Variants in ATP2A2 observed in about 807,000 individuals in gnomAD.
The protein encoded by ATP2A2 is sarcoplasmic/endoplasmic reticulum calcium ATPase 2.
ATP2A2 carries 14 observed loss-of-function variants against 109.3 expected under a neutral mutation model. That is an observed-to-expected ratio of 0.13 (90% CI 0.08 to 0.20). The LOEUF (loss-of-function observed/expected upper bound fraction) is 0.20. Ranked by LOEUF, ATP2A2 falls within the 10% of genes least tolerant of loss-of-function variation. The probability of loss-of-function intolerance (pLI) is 1.00; values close to 1 mark genes in which losing one functional copy is unlikely to be tolerated. For synonymous variants in ATP2A2, 506 were observed against 490.9 expected, an observed-to-expected ratio of 1.03 and a Z score of -0.41; for missense variants, 657 against 1,321.6, an observed-to-expected ratio of 0.50 and a Z score of 7.80.
intron 14 of ATP2A2, among the ~76,000 whole-genome samples, chr12:110,341,408 T>C (rs1184236155): frequency 6.6e-6 from 1 of 152,046 alleles, no homozygotes; most frequent in Non-Finnish European, 1.5e-5. Context: ...AGATACATTA[T>C]GTTAAATTTA....
chr12:110,332,424 A>G, intron 8 of ATP2A2, 173 bp from the exon 9 acceptor site: 1 of 656,064 alleles, frequency 1.5e-6, no homozygotes, highest in Non-Finnish European at 2.7e-6. Context: ...TAAGCTAGTT[A>G]GGGTAAGGGA....
chr12:110,327,777 A>G lies in ATP2A2; in HGVS notation c.855A>G (p.Gly285=). The change falls in exon 8 of 20, where the codon GGA becomes GGG. Residue 285 remains glycine (G), a synonymous_variant. Transcript: ENST00000539276. The surrounding 1 kb of genome is among the most constrained non-coding windows in gnomAD (Gnocchi z 4.4). ...NIGHFNDPVH[G]GSWIRGAIYY... is the part of the protein sequence containing the mutation. ...GGCACTTCAATGACCCGGTTCATGGAGGGTCCTGGATCAGAGGTGCTATTT... is the reference window on the plus strand; with the variant it reads ...GGCACTTCAATGACCCGGTTCATGGGGGGTCCTGGATCAGAGGTGCTATTT... 6.2e-7 allele frequency: 1 copy of G among 1,614,104 alleles called. No homozygotes were observed.
rs757796115 is a variant in ATP2A2 at position 110,343,272 on chromosome 12, AT to A, written c.2361del (p.Pro788LeufsTer10). 6.2e-7 allele frequency: 1 copy of A among 1,613,972 alleles called. No individual in the cohort carries two copies. ...TAALGFPEALIPVQLLWVNLV... is the reference protein window; with the variant it reads ...TAALGFPEALXPVQLLWVNLV... ...AGCCCTTGGATTTCCCGAGGCTTTG[AT>A]TCCTGTTCAGCTGCTCTGGGTCAAT... On this transcript the variant is annotated frameshift_variant, in exon 16 of 20. Transcript: ENST00000539276. LOFTEE classifies it high-confidence loss of function.
chr12:110,296,511 AT>A (rs1193351575), intron 4 of ATP2A2, 87 bp from the exon 5 acceptor site: 1 of 1,554,204 alleles, frequency 6.4e-7, no homozygotes, highest in East Asian at 2.2e-5. Flanking sequence ...CTTTTTAAAG[AT>A]TAGACCTCTA....
intron 5 of ATP2A2, 51 bp downstream of exon 5, chr12:110,296,788 TA>T: frequency 6.3e-7 from 1 of 1,587,964 alleles, no homozygotes; most frequent in South Asian, 1.1e-5. Context: ...TTTCTGAATG[TA>T]GTCCTTTTCT....
intron 5 of ATP2A2, among the ~76,000 whole-genome samples, chr12:110,310,136 T>C (rs1380298500): frequency 6.6e-6 from 1 of 151,998 alleles, no homozygotes. Flanking sequence ...ATTTCTGTTT[T>C]CTTTTTTTCT....
At chr12:110,301,051 G>C (rs534923452) in intron 5 of ATP2A2, among the ~76,000 whole-genome samples, 8 of 152,030 alleles carry the variant, frequency 5.3e-5, no homozygotes, top group Non-Finnish European at 1.2e-4. Context: ...TAAAAAAATA[G>C]AGACAGAGTC....
intron 8 of ATP2A2, chr12:110,332,218 G>A: frequency 3.5e-6 from 1 of 289,244 alleles, no homozygotes; most frequent in Non-Finnish European, 6.7e-6. Flanking sequence ...TGAAATTTGG[G>A]ATTCTGAGCA....
intron 11 of ATP2A2, chr12:110,334,435 C>G: frequency 2.2e-6 from 1 of 457,054 alleles, no homozygotes; most frequent in South Asian, 2.2e-5. Context: ...AAGCCACCTC[C>G]TCCCAACATC....
In ATP2A2 at chr12:110,348,248, GCCACTTCC is replaced by G; in HGVS notation, c.*1784_*1791del. 1.0e-6 allele frequency: 1 copy of G among 985,334 alleles called. No individual in the cohort carries two copies. The allele number at this position is 985,334 out of a possible 1,614,324, so 61.0% of individuals were successfully genotyped here. A position where few individuals can be genotyped will look rare whatever the true frequency, so the allele number is the denominator to read the frequency against. On this transcript the variant is annotated 3_prime_UTR_variant, in exon 20 of 20. Transcript: ENST00000539276. ...GTATCGATAGGTTCGTCTTAAATAG[GCCACTTCC>G]CCACTCCCCCACCCCCCCTTGCTTG...
chr12:110,328,115 C>G, intron 8 of ATP2A2, 98 bp downstream of exon 8: 1 of 1,228,134 alleles, frequency 8.1e-7, no homozygotes, highest in Middle Eastern at 2.6e-4. Context: ...TAATTTCATA[C>G]ATTTCTGTGG....
chr12:110,302,390 A>G (rs983456553), intron 5 of ATP2A2, among the ~76,000 whole-genome samples: 1 of 152,114 alleles, frequency 6.6e-6, no homozygotes, highest in East Asian at 1.9e-4. Flanking sequence ...ATATACTACT[A>G]CTATAAAGTG....
intron 4 of ATP2A2, among the ~76,000 whole-genome samples, chr12:110,293,691 C>G (rs529573741): frequency 6.6e-6 from 1 of 151,412 alleles, no homozygotes; most frequent in Non-Finnish European, 1.5e-5. Flanking sequence ...CCACCACGCC[C>G]GACACATCTT....
At chr12:110,301,585 G>A (rs1423381054) in intron 5 of ATP2A2, among the ~76,000 whole-genome samples, 2 of 152,064 alleles carry the variant, frequency 1.3e-5, no homozygotes, top group Non-Finnish European at 2.9e-5. Context: ...ATCTCACACC[G>A]CAGCTGTCAT....
At chr12:110,291,640 C>CTTTTTTTTTTTTTTTTTT (rs34738611) in intron 3 of ATP2A2, among the ~76,000 whole-genome samples, 1 of 116,154 alleles carries the variant, frequency 8.6e-6, no homozygotes, top group African/African-American at 3.5e-5. Flanking sequence ...GTGCTAGCCA[C>CTTTTTTTTTTTTTTTTTT]TTTTTTTTTT....
intron 5 of ATP2A2, among the ~76,000 whole-genome samples, chr12:110,297,983 A>G (rs539691124): frequency 1.6e-4 from 24 of 152,176 alleles, no homozygotes; most frequent in African/African-American, 4.3e-4. Flanking sequence ...TGTTTTGGCT[A>G]TTTCACTTAG....
At chr12:110,341,049 C>G (rs1418730157) in intron 14 of ATP2A2, 55 bp downstream of exon 14, 1 of 1,587,920 alleles carries the variant, frequency 6.3e-7, no homozygotes, top group Non-Finnish European at 8.6e-7. Flanking sequence ...ACATAGTAGC[C>G]TCTAATTTTG....
Position 110,350,591 on chromosome 12 carries a change from T to C in ATP2A2, c.*4121T>C. ...CAAGAGGAATGAGGCTCTGTAACCT[T>C]ATCTAAGAACTTGGAAGCCGTCAGC... On this transcript the variant is annotated 3_prime_UTR_variant, in exon 20 of 20. Coordinates refer to ENST00000539276, the MANE Select transcript of ATP2A2 (RefSeq NM_170665.4). 1 of 503,458 alleles carries C rather than the reference T, an allele frequency of 2.0e-6. No individual in the cohort carries two copies. Among genetic ancestry groups the C allele is most frequent in the Middle Eastern group, 5.5e-4 (1 of 1,834 alleles). 31.2% of individuals were successfully genotyped at this position (503,458 alleles called of 1,614,324 possible).
chr12:110,342,104 ACT>A lies in ATP2A2; in HGVS notation c.2098-121_2098-120del. ...CAACTTATGAAACAAAAATTCTAAA[ACT>A]CTTTGCCAAGAGACCTACGGCTCTA... On this transcript the variant is annotated intron_variant, in intron 14 of 19. Transcript: ENST00000539276. The surrounding 1 kb of genome is among the most constrained non-coding windows in gnomAD (Gnocchi z 4.6). 1 of 1,099,776 alleles carries A rather than the reference ACT, an allele frequency of 9.1e-7. No individual in the cohort carries two copies. Among genetic ancestry groups the A allele is most frequent in the Admixed American group, 1.9e-5 (1 of 52,010 alleles). 68.1% of individuals were successfully genotyped at this position (1,099,776 alleles called of 1,614,324 possible).
Sources: allele counts gnomAD v4.1 joint callset (sites outside exome capture counted in the v4.1 genomes callset), GRCh38; gene constraint gnomAD v4.1.1; non-coding constraint Gnocchi (gnomAD v3.1); transcripts MANE v1.5; gene names NCBI Gene and HGNC (gene_info 2026-07-23, HGNC 2026-07-21).